Variants in FTO observed in about 807,000 individuals in gnomAD.
FTO encodes FTO alpha-ketoglutarate dependent dioxygenase, also known as alpha-ketoglutarate-dependent dioxygenase FTO.
In FTO, 47 loss-of-function variants were observed where a neutral mutation model predicts 63.9. The observed-to-expected ratio is 0.74, with a 90% CI of 0.58 to 0.94. FTO has a LOEUF of 0.94. Among genes scored for constraint, FTO ranks in the 40% least tolerant of loss-of-function variants. The pLI is 0.00. For synonymous variants in FTO, 207 were observed against 224.4 expected, an observed-to-expected ratio of 0.92 and a Z score of 0.69; for missense variants, 562 against 618.1, an observed-to-expected ratio of 0.91 and a Z score of 0.96.
rs559513426 is a variant in FTO, at chr16:54,001,650, G to A, written c.1364+67541G>A. 7.9e-5 allele frequency among the ~76,000 whole-genome samples: 12 copies of A among 152,172 alleles called. No homozygotes were observed. The South Asian group carries it at 1.5e-3, about 18-fold the overall frequency. On this transcript the variant is annotated intron_variant, in intron 8 of 8. Transcript: ENST00000471389. Reference sequence around the variant, plus strand: ...TGCTTTCTCTAATGATTTTAGAACCGGATAACCCCTCCCCTTTCCCCTACT... The same window carrying A: ...TGCTTTCTCTAATGATTTTAGAACCAGATAACCCCTCCCCTTTCCCCTACT...
intron 1 of FTO, among the ~76,000 whole-genome samples, chr16:53,742,544 G>A (rs1033804723): frequency 2.0e-5 from 3 of 152,176 alleles, no homozygotes; most frequent in Non-Finnish European, 2.9e-5. Context: ...TATTCACTCA[G>A]TTAAACAGGA....
chr16:53,851,471 A>T (rs897638879), intron 4 of FTO, among the ~76,000 whole-genome samples: 1 of 149,668 alleles, frequency 6.7e-6, no homozygotes, highest in Admixed American at 6.7e-5. Flanking sequence ...AAAAAAAAAA[A>T]GGAAAAAAAA....
chr16:54,011,645 C>G (rs548326351), intron 8 of FTO, among the ~76,000 whole-genome samples: 2 of 152,220 alleles, frequency 1.3e-5, no homozygotes, highest in Admixed American at 6.5e-5. Context: ...CACTTCGTGT[C>G]TCTGTCACAT....
At chr16:53,722,694 G>C (rs2076066968) in intron 1 of FTO, among the ~76,000 whole-genome samples, 1 of 152,008 alleles carries the variant, frequency 6.6e-6, no homozygotes, top group South Asian at 2.1e-4. Flanking sequence ...CGGGTGTGGT[G>C]GTGTGTGCTT....
intron 2 of FTO, among the ~76,000 whole-genome samples, chr16:53,822,905 C>G (rs2078905624): frequency 6.6e-6 from 1 of 152,166 alleles, no homozygotes; most frequent in Non-Finnish European, 1.5e-5. Flanking sequence ...CATCGTCAGC[C>G]TCTTTCTCTT....
Position 54,018,384 on chromosome 16 carries a change from T to TGATAGATAGATAGATAGATAGATA in FTO, c.1364+84280_1364+84303dup, listed in dbSNP as rs5816918. On this transcript the variant is annotated intron_variant, in intron 8 of 8. Transcript: ENST00000471389. ...CATGGTTATAGCTTAGATAGATAGA[T>TGATAGATAGATAGATAGATAGATA]GATAGATAGATAGATAGATAGATAG... Among the ~76,000 whole-genome samples, 373 of 93,452 alleles carry TGATAGATAGATAGATAGATAGATA rather than the reference T, an allele frequency of 4.0e-3. 2 individuals carry two copies. Among genetic ancestry groups the TGATAGATAGATAGATAGATAGATA allele is most frequent in the Non-Finnish European group, 5.4e-3 (277 of 51,054 alleles). The allele number at this position is 93,452 out of a possible 152,430, so 61.3% of individuals were successfully genotyped here. A position where few individuals can be genotyped will look rare whatever the true frequency, so the allele number is the denominator to read the frequency against.
chr16:54,035,542 T>C (rs1418398496), intron 8 of FTO, among the ~76,000 whole-genome samples: 2 of 152,166 alleles, frequency 1.3e-5, no homozygotes, highest in Admixed American at 6.5e-5. Context: ...TAAATCCCCA[T>C]GCTTGGAGGA....
chr16:53,900,672 T>TA (rs1242800646), intron 7 of FTO, among the ~76,000 whole-genome samples: 1 of 145,688 alleles, frequency 6.9e-6, no homozygotes, highest in Admixed American at 7.3e-5. Context: ...AGCTAGGACT[T>TA]ATGTCTCCCA....
At chr16:53,823,368 A>G (rs1480480498) in intron 2 of FTO, among the ~76,000 whole-genome samples, 1 of 152,036 alleles carries the variant, frequency 6.6e-6, no homozygotes, top group Non-Finnish European at 1.5e-5. Flanking sequence ...TGATATTTGT[A>G]CTGTTTCCCT....
chr16:53,720,424 C>T (rs2076009330), intron 1 of FTO, among the ~76,000 whole-genome samples: 1 of 151,764 alleles, frequency 6.6e-6, no homozygotes, highest in South Asian at 2.1e-4. Context: ...TCCCCCTCCC[C>T]ACCATGTAGA....
chr16:54,057,325 C>T (rs180694491), intron 8 of FTO, among the ~76,000 whole-genome samples: 20 of 152,336 alleles, frequency 1.3e-4, no homozygotes, highest in Admixed American at 1.2e-3. Flanking sequence ...CATTCTCAGC[C>T]CTTGGCTGTG....
chr16:53,987,965 C>T (rs2083711132), intron 8 of FTO, among the ~76,000 whole-genome samples: 1 of 152,066 alleles, frequency 6.6e-6, no homozygotes, highest in South Asian at 2.1e-4. Flanking sequence ...CCCCAGATAC[C>T]CCCACATTTT....
intron 8 of FTO, among the ~76,000 whole-genome samples, chr16:54,016,918 A>G (rs1446233450): frequency 6.6e-6 from 1 of 152,156 alleles, no homozygotes; most frequent in East Asian, 1.9e-4. Flanking sequence ...TTCTCAAACC[A>G]GAGATTTATA....
intron 8 of FTO, among the ~76,000 whole-genome samples, chr16:53,966,665 T>C (rs1489238936): frequency 6.6e-6 from 1 of 152,240 alleles, no homozygotes; most frequent in Non-Finnish European, 1.5e-5. Context: ...TTCTTTTTAA[T>C]AGCTAATTCT....
At chr16:54,063,399 A>C (rs942210133) in intron 8 of FTO, among the ~76,000 whole-genome samples, 2 of 152,156 alleles carry the variant, frequency 1.3e-5, no homozygotes, top group Non-Finnish European at 2.9e-5. Context: ...GTTTGAAAAA[A>C]CAAGCACAAG....
At chr16:53,759,863 A>C (rs1208642322) in intron 1 of FTO, among the ~76,000 whole-genome samples, 1 of 151,708 alleles carries the variant, frequency 6.6e-6, no homozygotes, top group African/African-American at 2.4e-5. Flanking sequence ...CCAGAGGAAA[A>C]GAGAAGATTC....
chr16:53,803,430 ATC>A, intron 1 of FTO, among the ~76,000 whole-genome samples: 1 of 152,200 alleles, frequency 6.6e-6, no homozygotes, highest in Admixed American at 6.5e-5. Context: ...AATTAAAAAG[ATC>A]TCTTTTGAAA....
chr16:53,781,943 C>T (rs1197746245), intron 1 of FTO, among the ~76,000 whole-genome samples: 1 of 152,110 alleles, frequency 6.6e-6, no homozygotes, highest in African/African-American at 2.4e-5. Flanking sequence ...ACCTCAGTTT[C>T]TTTGTTTATG....
chr16:53,780,801 T>C (rs1489123315), intron 1 of FTO, among the ~76,000 whole-genome samples: 1 of 152,206 alleles, frequency 6.6e-6, no homozygotes, highest in Non-Finnish European at 1.5e-5. Flanking sequence ...GTTACTTAAC[T>C]TTTCAGGACT....
Sources: allele counts gnomAD v4.1 joint callset (sites outside exome capture counted in the v4.1 genomes callset), GRCh38; gene constraint gnomAD v4.1.1; transcripts MANE v1.5; gene names NCBI Gene and HGNC (gene_info 2026-07-23, HGNC 2026-07-21).